Variants in CUX2 observed in about 807,000 individuals in gnomAD.
The protein encoded by CUX2 is homeobox protein cut-like 2.
Under a neutral mutation model 144.8 loss-of-function variants are expected in CUX2, and 40 were observed. That is an observed-to-expected ratio of 0.28 (90% CI 0.21 to 0.36). CUX2 has a LOEUF of 0.36. Among genes scored for constraint, CUX2 ranks in the 10% least tolerant of loss-of-function variants. The pLI is 1.00. For missense variants in CUX2, 1,615 were observed against 1,994.0 expected (o/e 0.81, Z 3.62); for synonymous variants, 827 against 875.6 (o/e 0.94, Z 0.98).
At chr12:111,166,053 C>T (rs920720400) in intron 1 of CUX2, among the ~76,000 whole-genome samples, 1 of 152,192 alleles carries the variant, frequency 6.6e-6, no homozygotes, top group Non-Finnish European at 1.5e-5. Context: ...GGGTGTCTCG[C>T]TGTCACCCAG....
In CUX2 at chr12:111,320,097, C is replaced by T. The variant is rs780387248; in HGVS notation, c.2088C>T (p.Ile696=). The change falls in exon 17 of 22, where the codon ATC becomes ATT. Residue 696 remains isoleucine, a synonymous_variant. Transcript: ENST00000261726. The surrounding 1 kb of genome is among the most constrained non-coding windows in gnomAD (Gnocchi z 8.1). ...CCTCGGAGGACGCCATCAAGAGCAT[C>T]CTGGAGCAGGCACGCCGTGAGATGC... ...ASTSEDAIKS[I]LEQARREMQA... is the part of the protein sequence containing the mutation. The T allele has an allele frequency of 6.4e-7, 1 of 1,558,594 alleles. No individual in the cohort carries two copies. Among genetic ancestry groups the T allele is most frequent in the Non-Finnish European group, 8.7e-7 (1 of 1,155,432 alleles).
intron 7 of CUX2, 47 bp from the exon 8 acceptor site, chr12:111,296,426 C>A: frequency 6.4e-7 from 1 of 1,553,076 alleles, no homozygotes; most frequent in African/African-American, 1.4e-5. Context: ...GACCCAGCTC[C>A]TTCCCACTCG....
intron 1 of CUX2, among the ~76,000 whole-genome samples, chr12:111,093,735 A>G (rs556369353): frequency 6.6e-6 from 1 of 152,360 alleles, no homozygotes; most frequent in African/African-American, 2.4e-5. Context: ...TTTAAGCTGC[A>G]GGATGAAATG....
At chr12:111,051,515 T>C (rs931116964) in intron 1 of CUX2, among the ~76,000 whole-genome samples, 3 of 152,126 alleles carry the variant, frequency 2.0e-5, no homozygotes, top group African/African-American at 7.2e-5. Context: ...TGTTTTGTTT[T>C]AGAGTCTATT....
intron 1 of CUX2, among the ~76,000 whole-genome samples, chr12:111,047,469 C>A (rs891727233): frequency 1.3e-5 from 2 of 152,078 alleles, no homozygotes; most frequent in Non-Finnish European, 2.9e-5. Context: ...ATACTCATTG[C>A]TCTGACTCCA....
intron 1 of CUX2, among the ~76,000 whole-genome samples, chr12:111,066,810 G>A (rs1003741878): frequency 6.6e-6 from 1 of 152,204 alleles, no homozygotes; most frequent in South Asian, 2.1e-4. Flanking sequence ...TTTACAAGCT[G>A]TGTGATCTTG....
At chr12:111,214,445 G>GA in intron 2 of CUX2, 135 bp downstream of exon 2, 1 of 569,712 alleles carries the variant, frequency 1.8e-6, no homozygotes, top group Non-Finnish European at 3.1e-6. Flanking sequence ...AAAAATGACA[G>GA]CCCCTAACCT....
Position 111,059,290 on chromosome 12 carries a change from G to C in CUX2, c.63+25050G>C, listed in dbSNP as rs746652472. 3.3e-5 allele frequency among the ~76,000 whole-genome samples: 5 copies of C among 152,202 alleles called. No homozygotes were observed. Among genetic ancestry groups the C allele is most frequent in the African/African-American group, 4.8e-5 (2 of 41,452 alleles). On this transcript the variant is annotated intron_variant, in intron 1 of 21. Transcript: ENST00000261726. The surrounding 1 kb of genome is among the most constrained non-coding windows in gnomAD (Gnocchi z 5.3). ...GGGAGGAGGGCTACATTTCCATTCT[G>C]GAATTGGGCCCAGTCTCTGAAAAAA...
intron 18 of CUX2, 106 bp from the exon 19 acceptor site, chr12:111,334,335 A>G: frequency 7.9e-7 from 1 of 1,270,832 alleles, no homozygotes; most frequent in Non-Finnish European, 1.1e-6. Context: ...CAGTGGTTGC[A>G]AAATGGGTGT....
intron 14 of CUX2, 85 bp downstream of exon 14, chr12:111,308,611 G>A: frequency 8.8e-7 from 1 of 1,134,114 alleles, no homozygotes; most frequent in East Asian, 2.6e-5. Context: ...AAGGACCACT[G>A]CCTTCCATGC....
intron 1 of CUX2, among the ~76,000 whole-genome samples, chr12:111,191,099 G>A (rs1009073146): frequency 3.9e-5 from 6 of 152,106 alleles, no homozygotes; most frequent in African/African-American, 7.2e-5. Flanking sequence ...CTGCAGCTAC[G>A]CCACTCACAG....
intron 1 of CUX2, among the ~76,000 whole-genome samples, chr12:111,182,201 A>C (rs1250272622): frequency 6.6e-6 from 1 of 152,166 alleles, no homozygotes; most frequent in Non-Finnish European, 1.5e-5. Flanking sequence ...GCAGGACCTA[A>C]CTAGAGACAT....
intron 1 of CUX2, among the ~76,000 whole-genome samples, chr12:111,162,043 C>A (rs1213732070): frequency 1.3e-5 from 2 of 152,226 alleles, no homozygotes; most frequent in African/African-American, 2.4e-5. Flanking sequence ...GACAGGATGT[C>A]ATTTCTTAAA....
At chr12:111,237,533 C>T (rs1882820481) in intron 3 of CUX2, among the ~76,000 whole-genome samples, 1 of 152,206 alleles carries the variant, frequency 6.6e-6, no homozygotes, top group Non-Finnish European at 1.5e-5. Context: ...CTCTCCTGAA[C>T]ATAACTCAGG....
intron 1 of CUX2, among the ~76,000 whole-genome samples, chr12:111,074,379 C>G (rs1871405431): frequency 6.6e-6 from 1 of 152,042 alleles, no homozygotes; most frequent in African/African-American, 2.4e-5. Context: ...GGGTAAACAC[C>G]TGAGTAGAGT....
intron 1 of CUX2, among the ~76,000 whole-genome samples, chr12:111,191,237 C>T (rs935450204): frequency 6.6e-6 from 1 of 152,132 alleles, no homozygotes; most frequent in African/African-American, 2.4e-5. Flanking sequence ...GGGTAAAGTG[C>T]TAAGAACGTG....
chr12:111,158,315 A>T (rs73413602), intron 1 of CUX2, among the ~76,000 whole-genome samples: 3,594 of 152,080 alleles, frequency 0.024, 142 homozygotes, highest in African/African-American at 0.081. Context: ...CCCATCTTTT[A>T]AGAAGAATGA....
rs1442572070 is a variant in CUX2 at position 111,310,139 on chromosome 12, G to T, written c.1357G>T (p.Asp453Tyr). ...QQLPPPPGPE[D>Y]PLSPSPGQPL... ...GCTCCCACCTCCACCAGGGCCAGAA[G>T]ACCCCCTGTCTCCCAGCCCCGGGCA... is the stretch of plus-strand genomic sequence containing the variant. Residue 453 changes from aspartate to tyrosine, a missense_variant, in exon 15 of 22, where the codon GAC (aspartate) becomes TAC (tyrosine). Asp to Tyr is a radical substitution (Grantham distance 160). Transcript: ENST00000261726. This position sits in a 1 kb window ranked among gnomAD's most constrained non-coding sequence, Gnocchi z 7.9. The T allele has an allele frequency of 1.1e-5, 17 of 1,528,644 alleles. No individual in the cohort carries two copies. Among genetic ancestry groups the T allele is most frequent in the Non-Finnish European group, 1.4e-5 (16 of 1,139,204 alleles). 94.7% of individuals were successfully genotyped at this position (1,528,644 alleles called of 1,614,324 possible).
intron 3 of CUX2, among the ~76,000 whole-genome samples, chr12:111,245,768 C>T (rs557189853): frequency 1.9e-4 from 29 of 152,140 alleles, no homozygotes; most frequent in Non-Finnish European, 3.7e-4. Flanking sequence ...TATGCCCCAC[C>T]CAAGTGCCTC....
Sources: gnomAD v4.1 joint callset for allele counts (sites outside exome capture counted in the v4.1 genomes callset) on GRCh38, gnomAD v4.1.1 for gene constraint, Gnocchi (gnomAD v3.1) non-coding constraint, MANE v1.5 for transcripts, NCBI Gene and HGNC (gene_info 2026-07-23, HGNC 2026-07-21) for gene names.